The following KHDRBS2 variants were observed in gnomAD, a reference collection of about 807,000 sequenced individuals.
KHDRBS2 encodes KH domain-containing, RNA-binding, signal transduction-associated protein 2.
KHDRBS2 carries 26 observed loss-of-function variants against 44.3 expected under a neutral mutation model. That is an observed-to-expected ratio of 0.59 (90% CI 0.43 to 0.81). The LOEUF is 0.81. Among genes scored for constraint, KHDRBS2 ranks in the 40% least tolerant of loss-of-function variants. The pLI is 0.00. For missense variants in KHDRBS2, 476 were observed against 433.1 expected (o/e 1.10, Z -0.88); for synonymous variants, 194 against 151.1 (o/e 1.28, Z -2.08).
chr6:61,656,574 C>A, the KHDRBS2 span, among the ~76,000 whole-genome samples: 1 of 151,912 alleles, frequency 6.6e-6, no homozygotes, highest in Admixed American at 6.6e-5. Context: ...CAGTGGTGTG[C>A]TGGTAAACTG....
At chr6:61,739,131 A>G (rs1026708434) in intron 6 of KHDRBS2, among the ~76,000 whole-genome samples, 1 of 151,924 alleles carries the variant, frequency 6.6e-6, no homozygotes, top group Non-Finnish European at 1.5e-5. Flanking sequence ...CTATAAACAT[A>G]TAACTTCAGT....
At chr6:61,815,053 C>T (rs938237976) in intron 6 of KHDRBS2, among the ~76,000 whole-genome samples, 3 of 151,872 alleles carry the variant, frequency 2.0e-5, no homozygotes, top group African/African-American at 7.2e-5. Flanking sequence ...TAGGAAATAA[C>T]GACAATAGTC....
intron 2 of KHDRBS2, among the ~76,000 whole-genome samples, chr6:62,056,488 T>C (rs910783444): frequency 4.6e-5 from 7 of 151,934 alleles, no homozygotes; most frequent in African/African-American, 1.7e-4. Flanking sequence ...AAGAAAGACA[T>C]AAGGTATTAT....
At chr6:61,819,969 G>T (rs1789623016) in intron 6 of KHDRBS2, among the ~76,000 whole-genome samples, 1 of 152,050 alleles carries the variant, frequency 6.6e-6, no homozygotes, top group Non-Finnish European at 1.5e-5. Flanking sequence ...ACCCTGTGAA[G>T]TGTGTAGCAT....
At chr6:61,750,374 G>A (rs1199778304) in intron 6 of KHDRBS2, among the ~76,000 whole-genome samples, 1 of 152,180 alleles carries the variant, frequency 6.6e-6, no homozygotes, top group Non-Finnish European at 1.5e-5. Context: ...AGAGGAATAA[G>A]CCAGGCCAGC....
chr6:61,615,977 C>T, the KHDRBS2 span, among the ~76,000 whole-genome samples: 1,690 of 152,214 alleles, frequency 0.011, 14 homozygotes, highest in Middle Eastern at 0.02. Context: ...GACATTAGGG[C>T]TGTTCCAAGT....
At chr6:62,015,663 G>A (rs1236605211) in intron 3 of KHDRBS2, among the ~76,000 whole-genome samples, 1 of 152,100 alleles carries the variant, frequency 6.6e-6, no homozygotes, top group African/African-American at 2.4e-5. Context: ...TAGATACTCA[G>A]AGATACACAA....
At chr6:62,285,761 G>C (rs1257395395) in intron 1 of KHDRBS2, 97 bp downstream of exon 1, 1 of 760,714 alleles carries the variant, frequency 1.3e-6, no homozygotes, top group African/African-American at 1.8e-5. Context: ...CTGCGAAGGC[G>C]GGGAGAGGAG....
Position 62,202,471 on chromosome 6 carries a change from T to C in KHDRBS2, c.92-25159A>G, listed in dbSNP as rs190316831. 1.8e-3 allele frequency among the ~76,000 whole-genome samples: 270 copies of C among 152,230 alleles called. 7 individuals are homozygous for C. In the South Asian group the frequency reaches 0.051, roughly 29 times the overall value. On this transcript the variant is annotated intron_variant, in intron 1 of 8. Transcript: ENST00000281156. ...ATGCAATCATAAGACAAAAGTATTA[T>C]GCTGTATAATACAGAAAGAGAAAAA...
chr6:61,779,318 T>C (rs1015275437), intron 6 of KHDRBS2, among the ~76,000 whole-genome samples: 2 of 151,950 alleles, frequency 1.3e-5, no homozygotes, highest in African/African-American at 4.8e-5. Flanking sequence ...ACCCATGGAG[T>C]TTCTATGGTA....
intron 4 of KHDRBS2, among the ~76,000 whole-genome samples, chr6:61,977,830 T>A (rs1773002233): frequency 6.6e-6 from 1 of 152,136 alleles, no homozygotes; most frequent in African/African-American, 2.4e-5. Flanking sequence ...AACCGATGCA[T>A]GGCATGACAC....
At chr6:61,910,737 C>T (rs952721951) in intron 4 of KHDRBS2, among the ~76,000 whole-genome samples, 1 of 152,004 alleles carries the variant, frequency 6.6e-6, no homozygotes, top group African/African-American at 2.4e-5. Flanking sequence ...TCCATCCTAC[C>T]CTAGAAAATC....
intron 6 of KHDRBS2, among the ~76,000 whole-genome samples, chr6:61,876,470 T>C (rs1413757605): frequency 6.6e-6 from 1 of 151,228 alleles, no homozygotes; most frequent in African/African-American, 2.4e-5. Flanking sequence ...GGTAGCTTTA[T>C]AGAATATTGG....
intron 6 of KHDRBS2, among the ~76,000 whole-genome samples, chr6:61,801,847 G>C (rs1220262808): frequency 3.9e-5 from 6 of 152,132 alleles, no homozygotes; most frequent in Admixed American, 1.3e-4. Context: ...TACTAATCTT[G>C]CTACTGCTGT....
intron 2 of KHDRBS2, among the ~76,000 whole-genome samples, chr6:62,068,504 T>TA (rs553186407): frequency 6.4e-4 from 97 of 151,714 alleles, no homozygotes; most frequent in African/African-American, 2.2e-3. Flanking sequence ...CACAAACTTT[T>TA]AAAAAATTTT....
chr6:62,127,498 T>C (rs1809247446), intron 2 of KHDRBS2, among the ~76,000 whole-genome samples: 1 of 152,156 alleles, frequency 6.6e-6, no homozygotes, highest in Non-Finnish European at 1.5e-5. Flanking sequence ...ATCTCAATAA[T>C]ATATTAATAG....
chr6:61,577,019 G>C, the KHDRBS2 span, among the ~76,000 whole-genome samples: 33 of 152,060 alleles, frequency 2.2e-4, no homozygotes, highest in African/African-American at 7.7e-4. Context: ...GATAAGTCCA[G>C]TCTCTTTTAC....
chr6:61,955,195 T>C (rs539019645), intron 4 of KHDRBS2, among the ~76,000 whole-genome samples: 35 of 145,428 alleles, frequency 2.4e-4, no homozygotes, highest in South Asian at 4.3e-4. Flanking sequence ...CGTTTGTATG[T>C]ATACATATAT....
chr6:62,255,451 T>A (rs1245310384), intron 1 of KHDRBS2, among the ~76,000 whole-genome samples: 1 of 152,042 alleles, frequency 6.6e-6, no homozygotes, highest in Non-Finnish European at 1.5e-5. Context: ...ATCTTATGGA[T>A]GTAACACTAA....
Sources: gnomAD v4.1 joint callset for allele counts (sites outside exome capture counted in the v4.1 genomes callset) on GRCh38, gnomAD v4.1.1 for gene constraint, MANE v1.5 for transcripts, NCBI Gene and HGNC (gene_info 2026-07-23, HGNC 2026-07-21) for gene names.